The following ALG1L2 variants were observed in gnomAD, a reference collection of about 807,000 sequenced individuals.
The protein encoded by ALG1L2 is putative glycosyltransferase ALG1L2.
In ALG1L2, 32 loss-of-function variants were observed where a neutral mutation model predicts 29.0. That is an observed-to-expected ratio of 1.10 (90% CI 0.83 to 1.48). The LOEUF (loss-of-function observed/expected upper bound fraction) is 1.48. ALG1L2 is among the 40% of genes most tolerant of loss of function. ALG1L2 has a pLI of 0.00. For missense variants in ALG1L2, 318 were observed against 274.1 expected, an observed-to-expected ratio of 1.16 and a Z score of -1.13; for synonymous variants, 110 against 109.5, an observed-to-expected ratio of 1.00 and a Z score of -0.03.
At chr3:130,092,267 C>G in intron 3 of ALG1L2, 45 bp downstream of exon 3, 4 of 1,591,202 alleles carry the variant, frequency 2.5e-6, no homozygotes, top group Non-Finnish European at 3.4e-6. Flanking sequence ...TGAAGGGCAC[C>G]TGGCCAACCT....
At chr3:130,094,300 C>A in intron 4 of ALG1L2, 103 bp from the exon 5 acceptor site, 1 of 1,435,238 alleles carries the variant, frequency 7.0e-7, no homozygotes, top group Non-Finnish European at 9.7e-7. Flanking sequence ...AGGGGTGGAG[C>A]TTCTGGGAAA....
intron 3 of ALG1L2, among the ~76,000 whole-genome samples, chr3:130,092,456 G>A (rs1052682083): frequency 1.3e-5 from 2 of 152,194 alleles, no homozygotes; most frequent in African/African-American, 2.4e-5. Flanking sequence ...TAGGTGTGTG[G>A]CTGCGGTGAG....
At chr3:130,085,428 G>C (rs1934869161) in intron 1 of ALG1L2, among the ~76,000 whole-genome samples, 1 of 107,712 alleles carries the variant, frequency 9.3e-6, no homozygotes, top group South Asian at 2.8e-4. Context: ...ATAGAGATAG[G>C]AGTCTCCCTA....
chr3:130,087,996 G>T (rs1405033125), intron 1 of ALG1L2, among the ~76,000 whole-genome samples: 1 of 152,312 alleles, frequency 6.6e-6, no homozygotes, highest in African/African-American at 2.4e-5. Context: ...AGTGTCATTG[G>T]GTTGACAGGA....
At position 130,092,136 on chromosome 3, in the gene ALG1L2, C is replaced by T. The variant is rs765355474; in HGVS notation, c.167C>T (p.Ala56Val). The T allele has an allele frequency of 6.2e-7, 1 of 1,613,650 alleles. No individual in the cohort carries two copies. The highest frequency in any genetic ancestry group is 2.2e-5 in the East Asian group (1 of 44,860). Residue 56 changes from alanine (A) to valine (V), a missense_variant, in exon 3 of 8, where the codon GCC becomes GTC. Ala to Val is a moderately conservative substitution (Grantham distance 64, BLOSUM62 0). Transcript: ENST00000425059. ...EPEDPDTERSAFTERDSGSGL... is the reference protein window; with the variant it reads ...EPEDPDTERSVFTERDSGSGL... ...GAGGACCCAGACACAGAGCGGTCGGCCTTCACGGAGCGGGATTCTGGGAGC... is the reference window on the plus strand; with the variant it reads ...GAGGACCCAGACACAGAGCGGTCGGTCTTCACGGAGCGGGATTCTGGGAGC...
chr3:130,084,273 CAT>C, intron 1 of ALG1L2, among the ~76,000 whole-genome samples: 1 of 147,038 alleles, frequency 6.8e-6, no homozygotes, highest in East Asian at 2.0e-4. Context: ...GTCTGCACAA[CAT>C]AGCGAGACCC....
At chr3:130,098,166 C>A (rs1359722881) in intron 7 of ALG1L2, 57 bp from the exon 8 acceptor site, 8 of 1,594,384 alleles carry the variant, frequency 5.0e-6, no homozygotes, top group African/African-American at 2.7e-5. Context: ...TGGGGTCATC[C>A]AGGTGGTGAC....
rs1186034250 is a variant in ALG1L2, at chr3:130,098,245, A to G, written c.638A>G (p.Lys213Arg). The change falls in exon 8 of 8, where the codon AAA becomes AGA. Residue 213 changes from lysine (K) to arginine (R), a missense_variant. Lys to Arg is a conservative substitution (Grantham distance 26, BLOSUM62 2). Transcript: ENST00000425059. ...QLQYFADAFL[K>R]LS ...CAGTATTTTGCAGATGCTTTTCTCA[A>G]ACTTTCCTGATCCTGAAGGCAAGCT... 1 of 1,596,448 alleles carries G rather than the reference A, an allele frequency of 6.3e-7. No homozygotes were observed. The highest frequency in any genetic ancestry group is 8.5e-7 in the Non-Finnish European group (1 of 1,179,774).
At chr3:130,095,042 C>CTAG (rs1169680613) in intron 5 of ALG1L2, among the ~76,000 whole-genome samples, 6 of 152,296 alleles carry the variant, frequency 3.9e-5, no homozygotes, top group African/African-American at 1.4e-4. Context: ...GATTCTCCAG[C>CTAG]TAGTCTTTGT....
intron 2 of ALG1L2, 64 bp downstream of exon 2, chr3:130,091,435 C>T: frequency 6.7e-7 from 1 of 1,499,596 alleles, no homozygotes; most frequent in Non-Finnish European, 9.0e-7. Context: ...CTCCCCTTCT[C>T]ACTGCAGACC....
intron 4 of ALG1L2, chr3:130,093,917 A>G (rs1935074133): frequency 5.0e-6 from 1 of 200,966 alleles, no homozygotes; most frequent in African/African-American, 2.4e-5. Flanking sequence ...GGCTCCCAGG[A>G]CTGGTTTGGA....
chr3:130,088,523 T>G (rs148803017), intron 1 of ALG1L2, among the ~76,000 whole-genome samples: 132 of 152,414 alleles, frequency 8.7e-4, no homozygotes, highest in African/African-American at 2.4e-3. Flanking sequence ...ATTTAAGCAA[T>G]TTTCGTGCCT....
At chr3:130,097,345 G>A (rs1290682506) in intron 7 of ALG1L2, 95 bp downstream of exon 7, 3 of 1,527,100 alleles carry the variant, frequency 2.0e-6, no homozygotes, top group Admixed American at 2.1e-5. Context: ...GCCAGGGTGG[G>A]ACCATGCGGG....
chr3:130,094,324 G>A (rs1935083686), intron 4 of ALG1L2, 79 bp from the exon 5 acceptor site: 4 of 1,521,368 alleles, frequency 2.6e-6, no homozygotes, highest in East Asian at 2.2e-5. Context: ...ATCCCTCCTA[G>A]GGGGGAGTGT....
At chr3:130,085,411 C>T (rs1045159918) in intron 1 of ALG1L2, among the ~76,000 whole-genome samples, 1 of 107,062 alleles carries the variant, frequency 9.3e-6, no homozygotes. Context: ...TATTTATAAT[C>T]TTTTTAATAG....
intron 4 of ALG1L2, chr3:130,094,140 G>C (rs1284912277): frequency 7.8e-6 from 4 of 511,518 alleles, no homozygotes; most frequent in Non-Finnish European, 1.1e-5. Context: ...TGCCAGGCCA[G>C]TGCTTACCCC....
At chr3:130,082,460 C>T (rs1416326444) in intron 1 of ALG1L2, among the ~76,000 whole-genome samples, 3 of 133,262 alleles carry the variant, frequency 2.3e-5, no homozygotes, top group Admixed American at 1.6e-4. Flanking sequence ...GCCTCAGCCT[C>T]CCAAGTAGCT....
At chr3:130,086,730 A>C in intron 1 of ALG1L2, among the ~76,000 whole-genome samples, 2 of 133,026 alleles carry the variant, frequency 1.5e-5, no homozygotes, top group Non-Finnish European at 3.5e-5. Flanking sequence ...AACGTAGAAA[A>C]AGGAAATTGC....
chr3:130,086,138 T>C (rs1934886631), intron 1 of ALG1L2, among the ~76,000 whole-genome samples: 1 of 151,366 alleles, frequency 6.6e-6, no homozygotes, highest in African/African-American at 2.4e-5. Flanking sequence ...AACCAACTTT[T>C]GATCATTTAT....
Sources: allele counts gnomAD v4.1 joint callset (sites outside exome capture counted in the v4.1 genomes callset), GRCh38; gene constraint gnomAD v4.1.1; transcripts MANE v1.5; gene names NCBI Gene and HGNC (gene_info 2026-07-23, HGNC 2026-07-21).